SOCS5: variants seen among roughly 807,000 people sequenced by gnomAD.
The protein encoded by SOCS5 is CIS-6.
In SOCS5, 32 loss-of-function variants were observed where a neutral mutation model predicts 42.8. The observed-to-expected ratio is 0.75, with a 90% CI of 0.56 to 1.01. The LOEUF is 1.01. Among genes scored for constraint, SOCS5 ranks in the 50% least tolerant of loss-of-function variants. The probability of loss-of-function intolerance (pLI) is 0.00; values close to 1 mark genes in which losing one functional copy is unlikely to be tolerated. For missense variants in SOCS5, 627 were observed against 653.0 expected (o/e 0.96, Z 0.43); for synonymous variants, 283 against 229.6 (o/e 1.23, Z -2.10).
intron 1 of SOCS5, among the ~76,000 whole-genome samples, chr2:46,727,707 G>C (rs78446366): frequency 6.6e-6 from 1 of 152,134 alleles, no homozygotes; most frequent in African/African-American, 2.4e-5. Context: ...TTTTTGGTTT[G>C]CTGTTTAGGT....
At chr2:46,733,259 T>C (rs1160803735) in intron 1 of SOCS5, among the ~76,000 whole-genome samples, 1 of 152,038 alleles carries the variant, frequency 6.6e-6, no homozygotes, top group Admixed American at 6.6e-5. Flanking sequence ...TATGCCCAGC[T>C]AAGTTTTATA....
intron 1 of SOCS5, among the ~76,000 whole-genome samples, chr2:46,746,728 A>G (rs1412992834): frequency 2.0e-5 from 3 of 151,244 alleles, no homozygotes; most frequent in African/African-American, 4.8e-5. Context: ...TGGTTTCTAC[A>G]TGTTTGTTGT....
chr2:46,742,348 C>T (rs1022583447), intron 1 of SOCS5, among the ~76,000 whole-genome samples: 2 of 146,970 alleles, frequency 1.4e-5, no homozygotes, highest in African/African-American at 5.0e-5. Flanking sequence ...ACCCCCACCC[C>T]CACCCCCACC....
intron 1 of SOCS5, among the ~76,000 whole-genome samples, chr2:46,716,127 G>A (rs1409910511): frequency 8.0e-5 from 9 of 112,670 alleles, no homozygotes; most frequent in Admixed American, 7.5e-4. Context: ...TTTTTTTTTA[G>A]TTCTAGAAGT....
chr2:46,748,852 C>T (rs1010486932), intron 1 of SOCS5, among the ~76,000 whole-genome samples: 1 of 152,178 alleles, frequency 6.6e-6, no homozygotes, highest in African/African-American at 2.4e-5. Context: ...ATTCCATTTG[C>T]TCACTTACCA....
At chr2:46,708,467 A>G (rs927195667) in intron 1 of SOCS5, among the ~76,000 whole-genome samples, 5 of 152,200 alleles carry the variant, frequency 3.3e-5, no homozygotes, top group Non-Finnish European at 5.9e-5. Flanking sequence ...AGGATTATAG[A>G]TATGATTTTG....
rs1190287755 is a variant in SOCS5 at position 46,763,126 on chromosome 2, G to A, written c.*2985G>A. 6.0e-6 allele frequency: 1 copy of A among 166,952 alleles called. No homozygotes were observed. The highest frequency in any genetic ancestry group is 1.9e-4 in the East Asian group (1 of 5,206). The allele number at this position is 166,952 out of a possible 1,614,324, so 10.3% of individuals were successfully genotyped here. ...TTATAATACAGTCACCTTACAAAGA[G>A]AAAGAGTTCATCTGTATTTTGTTTT... is the stretch of plus-strand genomic sequence containing the variant. On this transcript the variant is annotated 3_prime_UTR_variant, in exon 2 of 2. Transcript: ENST00000394861.
At chr2:46,705,586 G>A (rs978582473) in intron 1 of SOCS5, among the ~76,000 whole-genome samples, 1 of 152,190 alleles carries the variant, frequency 6.6e-6, no homozygotes, top group Admixed American at 6.5e-5. Flanking sequence ...CCCACTGAAT[G>A]TTAAATATAA....
In SOCS5 at chr2:46,758,693, C is replaced by A; in HGVS notation, c.163C>A (p.Gln55Lys). 1.2e-6 allele frequency: 2 copies of A among 1,614,154 alleles called. No homozygotes were observed. Among genetic ancestry groups the A allele is most frequent in the South Asian group, 1.1e-5 (1 of 91,084 alleles). The change falls in exon 2 of 2, where the codon CAA becomes AAA. Residue 55 changes from glutamine to lysine, a missense_variant. Around this residue, in one of 3 missense-constraint regions of SOCS5, gnomAD observed 278 missense variants for 246.3 expected, o/e 1.13. Coordinates refer to ENST00000394861, the MANE Select transcript of SOCS5 (RefSeq NM_144949.3). ...ISIGDSTPQQ[Q>K]SSPLRENIAL... ...CATAGGAGACTCAACTCCTCAGCAA[C>A]AAAGCAGTCCCTTAAGAGAAAATAT...
intron 1 of SOCS5, among the ~76,000 whole-genome samples, chr2:46,706,030 G>A (rs1672455814): frequency 6.6e-6 from 1 of 152,296 alleles, no homozygotes; most frequent in Non-Finnish European, 1.5e-5. Flanking sequence ...ATTTATTGTG[G>A]TTGTTGCCGG....
chr2:46,707,654 G>A (rs1042828920), intron 1 of SOCS5, among the ~76,000 whole-genome samples: 1 of 152,178 alleles, frequency 6.6e-6, no homozygotes, highest in Non-Finnish European at 1.5e-5. Context: ...TAGATGGGAA[G>A]TAACACAAAC....
chr2:46,704,787 AC>A (rs1383932107), intron 1 of SOCS5, among the ~76,000 whole-genome samples: 1 of 152,202 alleles, frequency 6.6e-6, no homozygotes, highest in African/African-American at 2.4e-5. Context: ...GTTATTTACA[AC>A]AAGCCCTTTC....
At chr2:46,708,336 T>C (rs1030856843) in intron 1 of SOCS5, among the ~76,000 whole-genome samples, 4 of 152,160 alleles carry the variant, frequency 2.6e-5, no homozygotes, top group Admixed American at 1.3e-4. Flanking sequence ...TAGAATAATA[T>C]ATGCAAGTTT....
chr2:46,703,258 G>A (rs1223869572), intron 1 of SOCS5, among the ~76,000 whole-genome samples: 1 of 152,074 alleles, frequency 6.6e-6, no homozygotes, highest in Non-Finnish European at 1.5e-5. Context: ...TGCTGTTGGT[G>A]GTACTTCAGA....
chr2:46,713,785 T>C (rs895737449), intron 1 of SOCS5, among the ~76,000 whole-genome samples: 7 of 152,180 alleles, frequency 4.6e-5, no homozygotes, highest in African/African-American at 1.7e-4. Flanking sequence ...ATTATTAACA[T>C]TTAAAGCTAT....
At chr2:46,711,913 C>G (rs1485903384) in intron 1 of SOCS5, among the ~76,000 whole-genome samples, 1 of 151,814 alleles carries the variant, frequency 6.6e-6, no homozygotes, top group Non-Finnish European at 1.5e-5. Flanking sequence ...GGATCTGTCT[C>G]TAAACTCTAT....
intron 1 of SOCS5, among the ~76,000 whole-genome samples, chr2:46,708,002 T>C (rs576891135): frequency 6.6e-6 from 1 of 152,294 alleles, no homozygotes; most frequent in African/African-American, 2.4e-5. Context: ...AATACTGTAC[T>C]GAAAATGAAA....
chr2:46,746,031 C>T (rs975924781), intron 1 of SOCS5, among the ~76,000 whole-genome samples: 2 of 151,672 alleles, frequency 1.3e-5, no homozygotes, highest in Non-Finnish European at 2.9e-5. Flanking sequence ...AGGAGGTAGC[C>T]AGACACGGAG....
At chr2:46,753,356 T>A (rs1673665919) in intron 1 of SOCS5, among the ~76,000 whole-genome samples, 2 of 152,206 alleles carry the variant, frequency 1.3e-5, no homozygotes. Context: ...ACTACAAATT[T>A]TAATTATGAT....
Sources: gnomAD v4.1 joint callset for allele counts (sites outside exome capture counted in the v4.1 genomes callset) on GRCh38, gnomAD v4.1.1 for gene constraint, gnomAD v4.1.1 regional missense constraint, MANE v1.5 for transcripts, NCBI Gene and HGNC (gene_info 2026-07-23, HGNC 2026-07-21) for gene names.